The following GRIN3A variants were observed in gnomAD, a reference collection of about 807,000 sequenced individuals.
GRIN3A encodes glutamate ionotropic receptor NMDA type subunit 3A, also known as glutamate receptor ionotropic, NMDA 3A.
Under a neutral mutation model 92.4 loss-of-function variants are expected in GRIN3A, and 47 were observed. The observed-to-expected ratio is 0.51, with a 90% CI of 0.40 to 0.65. The LOEUF (loss-of-function observed/expected upper bound fraction) is 0.65, where lower values mean the gene tolerates loss of function less well. Among genes scored for constraint, GRIN3A ranks in the 30% least tolerant of loss-of-function variants. The pLI, the probability that GRIN3A is intolerant of heterozygous loss-of-function variation, is 0.00. For missense variants in GRIN3A, 1,324 were observed against 1,393.1 expected (o/e 0.95, Z 0.79); for synonymous variants, 527 against 540.6 (o/e 0.97, Z 0.35).
At chr9:101,681,368 G>A (rs1404310670) in intron 2 of GRIN3A, among the ~76,000 whole-genome samples, 1 of 152,220 alleles carries the variant, frequency 6.6e-6, no homozygotes, top group East Asian at 1.9e-4. Context: ...CAGGGCTAAT[G>A]TTCTGCCATT....
chr9:101,666,845 C>T (rs1044380829), intron 3 of GRIN3A, among the ~76,000 whole-genome samples: 3 of 152,024 alleles, frequency 2.0e-5, no homozygotes. Flanking sequence ...TTTCTCACAT[C>T]CTTTCTTCAG....
intron 6 of GRIN3A, among the ~76,000 whole-genome samples, chr9:101,588,601 T>G (rs1827979447): frequency 6.6e-6 from 1 of 152,178 alleles, no homozygotes; most frequent in African/African-American, 2.4e-5. Flanking sequence ...CAGAAAAATA[T>G]TTTTAAAAAC....
chr9:101,686,003 G>A (rs915326213), intron 2 of GRIN3A, among the ~76,000 whole-genome samples: 1 of 152,060 alleles, frequency 6.6e-6, no homozygotes, highest in African/African-American at 2.4e-5. Context: ...AGTTCAGACG[G>A]TCTGAACTTG....
At chr9:101,598,746 C>T (rs980505427) in intron 6 of GRIN3A, among the ~76,000 whole-genome samples, 2 of 152,162 alleles carry the variant, frequency 1.3e-5, no homozygotes, top group African/African-American at 4.8e-5. Flanking sequence ...CATTTAACAA[C>T]ACTCCTCATG....
At chr9:101,689,530 A>G (rs1208265161) in intron 1 of GRIN3A, among the ~76,000 whole-genome samples, 2 of 152,186 alleles carry the variant, frequency 1.3e-5, no homozygotes, top group Admixed American at 6.5e-5. Flanking sequence ...ACTCACCCCT[A>G]CAAACAATTC....
At chr9:101,656,964 G>T (rs533614728) in intron 3 of GRIN3A, among the ~76,000 whole-genome samples, 1 of 151,712 alleles carries the variant, frequency 6.6e-6, no homozygotes, top group Admixed American at 6.6e-5. Context: ...TCATCAAACC[G>T]CCCAGTGATA....
chr9:101,729,759 T>A (rs1017960519), intron 1 of GRIN3A, among the ~76,000 whole-genome samples: 1 of 152,178 alleles, frequency 6.6e-6, no homozygotes, highest in African/African-American at 2.4e-5. Flanking sequence ...TAAGCTCATA[T>A]CTGTTGTCCT....
chr9:101,629,992 T>C (rs1029475737), intron 3 of GRIN3A, among the ~76,000 whole-genome samples: 9 of 152,188 alleles, frequency 5.9e-5, no homozygotes, highest in Non-Finnish European at 1.0e-4. Context: ...ACCAGGCTTT[T>C]AAAAATATTA....
chr9:101,668,215 T>C (rs1384644627), intron 3 of GRIN3A, among the ~76,000 whole-genome samples: 3 of 145,602 alleles, frequency 2.1e-5, no homozygotes, highest in African/African-American at 7.3e-5. Flanking sequence ...TTTAATACTT[T>C]AGCATAATCA....
chr9:101,625,669 G>A (rs1344955737), intron 4 of GRIN3A, among the ~76,000 whole-genome samples: 1 of 152,184 alleles, frequency 6.6e-6, no homozygotes, highest in Non-Finnish European at 1.5e-5. Flanking sequence ...CTACAGTAAT[G>A]GGAAGCTTTA....
intron 1 of GRIN3A, among the ~76,000 whole-genome samples, chr9:101,694,886 A>G (rs1041739053): frequency 3.9e-5 from 6 of 152,194 alleles, no homozygotes; most frequent in African/African-American, 7.2e-5. Flanking sequence ...TTAGTAAGCA[A>G]TGAAATCCAA....
At chr9:101,625,776 C>G (rs1828626186) in intron 4 of GRIN3A, among the ~76,000 whole-genome samples, 1 of 152,178 alleles carries the variant, frequency 6.6e-6, no homozygotes, top group Non-Finnish European at 1.5e-5. Flanking sequence ...AGCTGTTTCT[C>G]CAATCAAAGT....
At chr9:101,701,757 C>T (rs1477410698) in intron 1 of GRIN3A, among the ~76,000 whole-genome samples, 1 of 152,146 alleles carries the variant, frequency 6.6e-6, no homozygotes. Context: ...ACAGAGTAAA[C>T]AGACAACATA....
chr9:101,690,789 G>A (rs143008562), intron 1 of GRIN3A, among the ~76,000 whole-genome samples: 2 of 152,082 alleles, frequency 1.3e-5, no homozygotes, highest in East Asian at 3.9e-4. Context: ...AGGTACTAAT[G>A]GAGTATTAAA....
intron 1 of GRIN3A, among the ~76,000 whole-genome samples, chr9:101,712,337 C>T (rs976270380): frequency 6.6e-6 from 1 of 152,172 alleles, no homozygotes; most frequent in Admixed American, 6.5e-5. Flanking sequence ...ATGACTATCA[C>T]CCAGAAGAGC....
intron 3 of GRIN3A, among the ~76,000 whole-genome samples, chr9:101,651,386 T>C (rs937524706): frequency 2.0e-5 from 3 of 151,978 alleles, no homozygotes; most frequent in South Asian, 4.1e-4. Context: ...AATGATATGA[T>C]GTGATAGAAA....
At chr9:101,610,922 C>T (rs1588247292) in intron 6 of GRIN3A, among the ~76,000 whole-genome samples, 1 of 152,024 alleles carries the variant, frequency 6.6e-6, no homozygotes, top group East Asian at 1.9e-4. Context: ...CATGGTTAAA[C>T]CCTGTCTCCA....
chr9:101,714,956 G>A (rs1829926148), intron 1 of GRIN3A, among the ~76,000 whole-genome samples: 1 of 152,066 alleles, frequency 6.6e-6, no homozygotes, highest in South Asian at 2.1e-4. Flanking sequence ...ATATCTAAGT[G>A]AGTTTATTTG....
chr9:101,706,631 T>A (rs1739718726), intron 1 of GRIN3A, among the ~76,000 whole-genome samples: 1 of 152,194 alleles, frequency 6.6e-6, no homozygotes, highest in South Asian at 2.1e-4. Flanking sequence ...TGCCTCCCCT[T>A]TTAAAGCTGG....
Sources: allele counts gnomAD v4.1 joint callset (sites outside exome capture counted in the v4.1 genomes callset), GRCh38; gene constraint gnomAD v4.1.1; transcripts MANE v1.5; gene names NCBI Gene and HGNC (gene_info 2026-07-23, HGNC 2026-07-21).